SIX4: variants seen among roughly 807,000 people sequenced by gnomAD.
SIX4 encodes the protein homeobox protein SIX4.
Under a neutral mutation model 51.5 loss-of-function variants are expected in SIX4, and 23 were observed. The observed-to-expected ratio is 0.45, with a 90% CI of 0.32 to 0.63. The LOEUF is 0.63. SIX4 is among the 30% of genes least tolerant of loss of function. The pLI, the probability that SIX4 is intolerant of heterozygous loss-of-function variation, is 0.04. For missense variants in SIX4, 867 were observed against 984.0 expected (o/e 0.88, Z 1.59); for synonymous variants, 413 against 417.3 (o/e 0.99, Z 0.13).
Position 60,712,720 on chromosome 14 carries a change from A to G in SIX4, c.*687T>C, listed in dbSNP as rs969195904. 3.3e-5 allele frequency: 5 copies of G among 152,608 alleles called. No individual in the cohort carries two copies. The highest frequency in any genetic ancestry group is 1.2e-4 in the African/African-American group (5 of 41,458). The allele number at this position is 152,608 out of a possible 1,614,324, so 9.5% of individuals were successfully genotyped here. On this transcript the variant is annotated 3_prime_UTR_variant, in exon 3 of 3. Coordinates refer to ENST00000216513, the MANE Select transcript of SIX4 (RefSeq NM_017420.5). ...GCCTGAAGAGAAACATATACATTAA[A>G]AATAAAATTCACTGTAATTACTCAA...
chr14:60,724,325 T>C lies in SIX4; in HGVS notation c.-251A>G. On this transcript the variant is annotated 5_prime_UTR_variant, in exon 1 of 3. Coordinates refer to ENST00000216513, the MANE Select transcript of SIX4 (RefSeq NM_017420.5). The stretch of plus-strand genomic sequence containing the variant: ...CTTTCTGCCGTTCCCCCAACGTGAC[T>C]CCTCCGGTTGCTGCATACTATATGG... 1 of 1,481,684 alleles carries C rather than the reference T, an allele frequency of 6.7e-7. No individual in the cohort carries two copies. The highest frequency in any genetic ancestry group is 9.0e-7 in the Non-Finnish European group (1 of 1,112,162). The allele number at this position is 1,481,684 out of a possible 1,614,324, so 91.8% of individuals were successfully genotyped here.
rs1403872674 is a variant in SIX4 at position 60,722,040 on chromosome 14, G to C, written c.863+1172C>G. Among the ~76,000 whole-genome samples, 1 of 152,166 alleles carries C rather than the reference G, an allele frequency of 6.6e-6. No individual in the cohort carries two copies. The highest frequency in any genetic ancestry group is 2.4e-5 in the African/African-American group (1 of 41,452). On this transcript the variant is annotated intron_variant, in intron 1 of 2. Transcript: ENST00000216513. This position sits in a 1 kb window ranked among gnomAD's most constrained non-coding sequence, Gnocchi z 5.9. ...CAAGGGCGGGCTGAGACCGGCTCTG[G>C]AATGCGCTGGTGATCACCTTCACCT... is the stretch of plus-strand genomic sequence containing the variant.
chr14:60,716,166 G>A (rs1307501421), intron 2 of SIX4, among the ~76,000 whole-genome samples: 3 of 151,206 alleles, frequency 2.0e-5, no homozygotes, highest in African/African-American at 7.3e-5. Flanking sequence ...CTGCAGCCTC[G>A]ATCTCCTGGG....
Position 60,720,389 on chromosome 14 carries a change from A to G in SIX4, c.920T>C (p.Leu307Ser), listed in dbSNP as rs763942270. ...TGAACTGGAGAGTGGGTGAGGAGATAAATCCTCATGTCCCTTGCTGGATTC... is the reference window on the plus strand; with the variant it reads ...TGAACTGGAGAGTGGGTGAGGAGATGAATCCTCATGTCCCTTGCTGGATTC... ...EDESSKGHED[L>S]SPHPLSSSSD... The change falls in exon 2 of 3, where the codon TTA (leucine) becomes TCA (serine). Residue 307 changes from leucine (L) to serine (S), a missense_variant. Physicochemically the swap from Leu to Ser is moderately radical, Grantham distance 145. Coordinates refer to ENST00000216513, the MANE Select transcript of SIX4 (RefSeq NM_017420.5). This position sits in a 1 kb window ranked among gnomAD's most constrained non-coding sequence, Gnocchi z 5.5. 1 of 1,614,160 alleles carries G rather than the reference A, an allele frequency of 6.2e-7. No individual in the cohort carries two copies. Among genetic ancestry groups the G allele is most frequent in the Non-Finnish European group, 8.5e-7 (1 of 1,180,032 alleles).
At chr14:60,721,632 G>A (rs1896022019) in intron 1 of SIX4, among the ~76,000 whole-genome samples, 2 of 151,650 alleles carry the variant, frequency 1.3e-5, no homozygotes, top group South Asian at 4.2e-4. Context: ...TGGAGTTTAT[G>A]GGGTGGGGCG....
intron 1 of SIX4, among the ~76,000 whole-genome samples, chr14:60,721,749 C>A (rs1024001789): frequency 1.3e-5 from 2 of 152,242 alleles, no homozygotes; most frequent in Non-Finnish European, 2.9e-5. Context: ...TGCCCCCTTG[C>A]CACCCTCTGC....
rs775387939 is a variant in SIX4 at position 60,719,063 on chromosome 14, T to C, written c.1549+697A>G. Reference sequence around the variant, plus strand: ...TTGCTTAAAGTCAGTGAAGAACTAATATATCAGCCTCAGTTTTCCTGAATT... The same window carrying C: ...TTGCTTAAAGTCAGTGAAGAACTAACATATCAGCCTCAGTTTTCCTGAATT... On this transcript the variant is annotated intron_variant, in intron 2 of 2. Coordinates refer to ENST00000216513, the MANE Select transcript of SIX4 (RefSeq NM_017420.5). The surrounding 1 kb of genome is among the most constrained non-coding windows in gnomAD (Gnocchi z 4.9). Among the ~76,000 whole-genome samples, 2 of 152,216 alleles carry C rather than the reference T, an allele frequency of 1.3e-5. No homozygotes were observed. The highest frequency in any genetic ancestry group is 2.9e-5 in the Non-Finnish European group (2 of 68,030).
chr14:60,710,961 A>C lies in SIX4; in HGVS notation c.*2446T>G, dbSNP rs1451243326. On this transcript the variant is annotated 3_prime_UTR_variant, in exon 3 of 3. Coordinates refer to ENST00000216513, the MANE Select transcript of SIX4 (RefSeq NM_017420.5). ...AGGGAGAAAAGAGGAAGAACACTGA[A>C]TAAAAGAGAGGCTTATTGTATTTTC... 1 of 151,964 alleles carries C rather than the reference A, an allele frequency of 6.6e-6. No homozygotes were observed. The highest frequency in any genetic ancestry group is 1.5e-5 in the Non-Finnish European group (1 of 67,898). The allele number at this position is 151,964 out of a possible 1,614,324, so 9.4% of individuals were successfully genotyped here. A position where few individuals can be genotyped will look rare whatever the true frequency, so the allele number is the denominator to read the frequency against.
At position 60,723,625 on chromosome 14, in the gene SIX4, C is replaced by G; in HGVS notation, c.450G>C (p.Lys150Asn). Reference sequence around the variant, plus strand: ...GGTGGAAGGCCACGAGCGCCCGCGCCTTCAGCAGGCTCTCGTTGCCACGTA... The same window carrying G: ...GGTGGAAGGCCACGAGCGCCCGCGCGTTCAGCAGGCTCTCGTTGCCACGTA... ...DLLRGNESLL[K>N]ARALVAFHQG... The change falls in exon 1 of 3, where the codon AAG (lysine) becomes AAC (asparagine). Residue 150 changes from lysine to asparagine, a missense_variant. By Grantham distance (94) the Lys-to-Asn change is moderately conservative. Transcript: ENST00000216513. 1 of 1,606,288 alleles carries G rather than the reference C, an allele frequency of 6.2e-7. No individual in the cohort carries two copies. The highest frequency in any genetic ancestry group is 8.5e-7 in the Non-Finnish European group (1 of 1,176,944).
In SIX4 at chr14:60,711,910, C is replaced by G. The variant is rs551299021; in HGVS notation, c.*1497G>C. The G allele has an allele frequency of 6.6e-6, 1 of 152,490 alleles. No homozygotes were observed. Among genetic ancestry groups the G allele is most frequent in the Non-Finnish European group, 1.5e-5 (1 of 68,018 alleles). 9.4% of individuals were successfully genotyped at this position (152,490 alleles called of 1,614,324 possible). On this transcript the variant is annotated 3_prime_UTR_variant, in exon 3 of 3. Transcript: ENST00000216513. ...TCAGAGACTAGAGAGCAACTTTACTCACTACATAAATTTATTTGCATTGTT... is the reference window on the plus strand; with the variant it reads ...TCAGAGACTAGAGAGCAACTTTACTGACTACATAAATTTATTTGCATTGTT...
In SIX4 at chr14:60,724,104, A is replaced by C. The variant is rs745582796; in HGVS notation, c.-30T>G. On this transcript the variant is annotated 5_prime_UTR_variant, in exon 1 of 3. Transcript: ENST00000216513. ...TGTTGTTTATTTTCCTCCCTCCCTC[A>C]CTCCCTCGCACTCTTTTCCTCTTTC... 6.4e-7 allele frequency: 1 copy of C among 1,568,306 alleles called. No individual in the cohort carries two copies. Among genetic ancestry groups the C allele is most frequent in the African/African-American group, 1.4e-5 (1 of 71,622 alleles).
chr14:60,709,892 A>G lies in SIX4; in HGVS notation c.*3515T>C, dbSNP rs1018947235. Reference sequence around the variant, plus strand: ...ATATTTTTGAGAACTCTGAAAGCCAAAAGAGTCACATGCTATACAATTTTG... The same window carrying G: ...ATATTTTTGAGAACTCTGAAAGCCAGAAGAGTCACATGCTATACAATTTTG... On this transcript the variant is annotated 3_prime_UTR_variant, in exon 3 of 3. Coordinates refer to ENST00000216513, the MANE Select transcript of SIX4 (RefSeq NM_017420.5). The surrounding 1 kb of genome is among the most constrained non-coding windows in gnomAD (Gnocchi z 4.1). 4 of 152,642 alleles carry G rather than the reference A, an allele frequency of 2.6e-5. No individual in the cohort carries two copies. 9.5% of individuals were successfully genotyped at this position (152,642 alleles called of 1,614,324 possible). A position where few individuals can be genotyped will look rare whatever the true frequency, so the allele number is the denominator to read the frequency against.
chr14:60,721,093 T>C (rs1389305097), intron 1 of SIX4: 15 of 985,546 alleles, frequency 1.5e-5, no homozygotes, highest in Non-Finnish European at 1.8e-5. Flanking sequence ...GCAGTCGCCT[T>C]TGAATCCAAA....
Position 60,713,420 on chromosome 14 carries a change from A to T in SIX4, c.2333T>A (p.Met778Lys), listed in dbSNP as rs759274813. The T allele has an allele frequency of 5.6e-6, 9 of 1,598,146 alleles. No homozygotes were observed. The East Asian group carries it at 2.0e-4, about 36-fold the overall frequency. Reference sequence around the variant, plus strand: ...AGGAAATAAAGTTCATAAGTCTTGCATATCTTCATCCAGCTGGACAGTCTG... The same window carrying T: ...AGGAAATAAAGTTCATAAGTCTTGCTTATCTTCATCCAGCTGGACAGTCTG... The part of the protein sequence containing the change: ...KLQTVQLDED[M>K]QDL Residue 778 changes from methionine (M) to lysine (K), a missense_variant, in exon 3 of 3, where the codon ATG (methionine) becomes AAG (lysine). By Grantham distance (95) the Met-to-Lys change is moderately conservative (BLOSUM62 -1). Coordinates refer to ENST00000216513, the MANE Select transcript of SIX4 (RefSeq NM_017420.5).
Position 60,717,258 on chromosome 14 carries a change from T to G in SIX4, c.1549+2502A>C, listed in dbSNP as rs1895935059. On this transcript the variant is annotated intron_variant, in intron 2 of 2. Transcript: ENST00000216513. This position sits in a 1 kb window ranked among gnomAD's most constrained non-coding sequence, Gnocchi z 4.6. The stretch of plus-strand genomic sequence containing the variant: ...CCAGCCTAATTTTTGTTTTTTTTAG[T>G]AGAGACGGGGTTTCAATATGTTAGG... 6.1e-6 allele frequency: 1 copy of G among 164,618 alleles called. No homozygotes were observed. The highest frequency in any genetic ancestry group is 6.2e-5 in the Admixed American group (1 of 16,038). 10.2% of individuals were successfully genotyped at this position (164,618 alleles called of 1,614,324 possible).
rs553037278 is a variant in SIX4, at chr14:60,710,385, CTTGA to C, written c.*3018_*3021del. The stretch of plus-strand genomic sequence containing the variant: ...AAGCAGTACAACACAGGTGCTCTTG[CTTGA>C]TTGAGGAACAAATGCACCTTCTCTT... On this transcript the variant is annotated 3_prime_UTR_variant, in exon 3 of 3. Coordinates refer to ENST00000216513, the MANE Select transcript of SIX4 (RefSeq NM_017420.5). 32 of 152,714 alleles carry C rather than the reference CTTGA, an allele frequency of 2.1e-4. No individual in the cohort carries two copies. Among genetic ancestry groups the C allele is most frequent in the African/African-American group, 7.2e-4 (30 of 41,554 alleles). The allele number at this position is 152,714 out of a possible 1,614,324, so 9.5% of individuals were successfully genotyped here. A position where few individuals can be genotyped will look rare whatever the true frequency, so the allele number is the denominator to read the frequency against.
chr14:60,713,299 T>G lies in SIX4; in HGVS notation c.*108A>C. The G allele has an allele frequency of 8.3e-7, 1 of 1,209,390 alleles. No individual in the cohort carries two copies. Among genetic ancestry groups the G allele is most frequent in the Non-Finnish European group, 1.1e-6 (1 of 876,458 alleles). 74.9% of individuals were successfully genotyped at this position (1,209,390 alleles called of 1,614,324 possible). ...TCTAAAGTCTCTTGTATGCATATAC[T>G]TGCAAAACTAGAGTGTTTTCCTTTA... On this transcript the variant is annotated 3_prime_UTR_variant, in exon 3 of 3. Coordinates refer to ENST00000216513, the MANE Select transcript of SIX4 (RefSeq NM_017420.5).
rs933229417 is a variant in SIX4 at position 60,720,600 on chromosome 14, C to G, written c.864-155G>C. 6.6e-6 allele frequency among the ~76,000 whole-genome samples: 1 copy of G among 152,170 alleles called. No individual in the cohort carries two copies. Among genetic ancestry groups the G allele is most frequent in the African/African-American group, 2.4e-5 (1 of 41,450 alleles). On this transcript the variant is annotated intron_variant, in intron 1 of 2. Transcript: ENST00000216513. This position sits in a 1 kb window ranked among gnomAD's most constrained non-coding sequence, Gnocchi z 5.5. ...TGCTAGTCCTATTTAAACTAAGAGGCCTTTCAGCAGATTCCGACCAGCCAG... is the reference window on the plus strand; with the variant it reads ...TGCTAGTCCTATTTAAACTAAGAGGGCTTTCAGCAGATTCCGACCAGCCAG...
chr14:60,721,233 C>T lies in SIX4; in HGVS notation c.864-788G>A, dbSNP rs949509132. The T allele has an allele frequency of 4.7e-6, 4 of 849,874 alleles. No individual in the cohort carries two copies. The African/African-American group carries it at 5.5e-5, about 12-fold the overall frequency. 52.6% of individuals were successfully genotyped at this position (849,874 alleles called of 1,614,324 possible). On this transcript the variant is annotated intron_variant, in intron 1 of 2. Transcript: ENST00000216513. Reference sequence around the variant, plus strand: ...ACGTCCTTGGTCCCTCTGTTCCAGGCAGGACCCTGTTCCTCAGCTCTCTGA... The same window carrying T: ...ACGTCCTTGGTCCCTCTGTTCCAGGTAGGACCCTGTTCCTCAGCTCTCTGA...
Sources: gnomAD v4.1 joint callset for allele counts (sites outside exome capture counted in the v4.1 genomes callset) on GRCh38, gnomAD v4.1.1 for gene constraint, Gnocchi (gnomAD v3.1) non-coding constraint, MANE v1.5 for transcripts, NCBI Gene and HGNC (gene_info 2026-07-23, HGNC 2026-07-21) for gene names.